Variants in ATP8B1 observed in about 807,000 individuals in gnomAD.
The protein encoded by ATP8B1 is phospholipid-transporting ATPase IC.
ATP8B1 carries 80 observed loss-of-function variants against 149.9 expected under a neutral mutation model. The ratio of observed to expected loss-of-function variants is 0.53; its 90% CI spans 0.45 to 0.64. The LOEUF (loss-of-function observed/expected upper bound fraction) is 0.64. Among genes scored for constraint, ATP8B1 ranks in the 30% least tolerant of loss-of-function variants. The probability of loss-of-function intolerance (pLI) is 0.00; values close to 1 mark genes in which losing one functional copy is unlikely to be tolerated. For synonymous variants in ATP8B1, 536 were observed against 562.8 expected, an observed-to-expected ratio of 0.95 and a Z score of 0.67; for missense variants, 1,247 against 1,552.6, an observed-to-expected ratio of 0.80 and a Z score of 3.31.
chr18:57,722,282 C>A (rs1168303900), intron 2 of ATP8B1, among the ~76,000 whole-genome samples: 11 of 144,334 alleles, frequency 7.6e-5, no homozygotes, highest in Admixed American at 2.9e-4. Flanking sequence ...ACACAAAAAA[C>A]CCTTCAAAAA....
At chr18:57,764,387 CTCTT>C (rs2080188761) in intron 1 of ATP8B1, among the ~76,000 whole-genome samples, 1 of 141,324 alleles carries the variant, frequency 7.1e-6, no homozygotes, top group Non-Finnish European at 1.5e-5. Context: ...CTCTTTTTCT[CTCTT>C]TCTCTCTTTC....
At chr18:57,732,827 T>G (rs2079801583) in intron 1 of ATP8B1, among the ~76,000 whole-genome samples, 1 of 77,654 alleles carries the variant, frequency 1.3e-5, no homozygotes, top group East Asian at 4.2e-4. Flanking sequence ...CTTCCCAAAG[T>G]GCTGGGATTA....
intron 1 of ATP8B1, chr18:57,801,955 C>G (rs2080579922): frequency 6.6e-6 from 1 of 152,306 alleles, no homozygotes; most frequent in Admixed American, 6.5e-5. Context: ...GGCCCAAGTC[C>G]TCCTTACTTC....
rs1317056554 is a variant in ATP8B1, at chr18:57,784,401, G to A, written c.-26+18597C>T. On this transcript the variant is annotated intron_variant, in intron 1 of 27. Transcript: ENST00000648908. This position sits in a 1 kb window ranked among gnomAD's most constrained non-coding sequence, Gnocchi z 4.4. The stretch of plus-strand genomic sequence containing the variant: ...AGAAGGCTACTGGAATGGTCCAGGA[G>A]AGGGAGGATGACAGCTTGAACCTCG... Among the ~76,000 whole-genome samples the A allele has an allele frequency of 4.6e-5, 7 of 152,186 alleles. No individual in the cohort carries two copies. The highest frequency in any genetic ancestry group is 7.3e-5 in the Non-Finnish European group (5 of 68,034).
intron 11 of ATP8B1, among the ~76,000 whole-genome samples, 175 bp downstream of exon 11, chr18:57,694,407 G>A (rs1912695838): frequency 6.6e-6 from 1 of 151,930 alleles, no homozygotes; most frequent in Non-Finnish European, 1.5e-5. Flanking sequence ...CTGAGAAAAA[G>A]TAAGGCATTT....
At chr18:57,662,428 C>G in intron 21 of ATP8B1, 55 bp downstream of exon 21, 1 of 1,605,282 alleles carries the variant, frequency 6.2e-7, no homozygotes, top group South Asian at 1.1e-5. Context: ...AAAAGTGGCT[C>G]CAAATGAACT....
At chr18:57,652,943 A>T (rs908107760) in intron 24 of ATP8B1, among the ~76,000 whole-genome samples, 3 of 152,178 alleles carry the variant, frequency 2.0e-5, no homozygotes, top group Non-Finnish European at 4.4e-5. Flanking sequence ...TAATTCAGAG[A>T]AGGGCTAGGT....
chr18:57,667,228 G>GT, intron 19 of ATP8B1, 61 bp from the exon 20 acceptor site: 3 of 1,390,498 alleles, frequency 2.2e-6, no homozygotes, highest in South Asian at 1.2e-5. Flanking sequence ...ATTTTATTTT[G>GT]TTTTTTGAGA....
In ATP8B1 at chr18:57,681,727, G is replaced by A. The variant is rs571532279; in HGVS notation, c.1630+2309C>T. On this transcript the variant is annotated intron_variant, in intron 15 of 27. Coordinates refer to ENST00000648908, the MANE Select transcript of ATP8B1 (RefSeq NM_001374385.1). ...GAGGCACGAGAATTGCTTGAACCTGGGAGGTGGAGGTTGCAGTGAGCCGAG... is the reference window on the plus strand; with the variant it reads ...GAGGCACGAGAATTGCTTGAACCTGAGAGGTGGAGGTTGCAGTGAGCCGAG... Among the ~76,000 whole-genome samples the A allele has an allele frequency of 2.6e-5, 4 of 152,116 alleles. No individual in the cohort carries two copies. In the East Asian group the frequency reaches 7.8e-4, roughly 30 times the overall value.
intron 2 of ATP8B1, among the ~76,000 whole-genome samples, chr18:57,730,114 T>A (rs1299475048): frequency 6.6e-6 from 1 of 152,112 alleles, no homozygotes; most frequent in Non-Finnish European, 1.5e-5. Context: ...GCAGATTCTG[T>A]GACCAGAACA....
At chr18:57,654,955 G>T (rs1568180204) in intron 23 of ATP8B1, among the ~76,000 whole-genome samples, 2 of 151,410 alleles carry the variant, frequency 1.3e-5, no homozygotes, top group African/African-American at 2.4e-5. Flanking sequence ...CCAAAGTGCT[G>T]GGATTACAGG....
chr18:57,758,648 CAAA>C (rs66725093), intron 1 of ATP8B1, among the ~76,000 whole-genome samples: 4,609 of 105,306 alleles, frequency 0.044, 202 homozygotes, highest in African/African-American at 0.13. Context: ...AACTCTGTCT[CAAA>C]AAAAAAAAAA....
rs138914831 is a variant in ATP8B1 at position 57,741,933 on chromosome 18, G to A, written c.-25-10101C>T. On this transcript the variant is annotated intron_variant, in intron 1 of 27. Coordinates refer to ENST00000648908, the MANE Select transcript of ATP8B1 (RefSeq NM_001374385.1). The stretch of plus-strand genomic sequence containing the variant: ...CACCCAGGCTGGAGTCCAGTGGTGT[G>A]ATCTCAGCTCACTGCAACCTCTGCC... 7.1e-3 allele frequency among the ~76,000 whole-genome samples: 1,085 copies of A among 152,236 alleles called. 10 individuals carry two copies. Among genetic ancestry groups the A allele is most frequent in the African/African-American group, 0.024 (1,012 of 41,528 alleles).
rs1368235673 is a variant in ATP8B1, at chr18:57,688,324, C to G, written c.1404G>C (p.Lys468Asn). 1 of 1,614,154 alleles carries G rather than the reference C, an allele frequency of 6.2e-7. No individual in the cohort carries two copies. The highest frequency in any genetic ancestry group is 1.7e-5 in the Admixed American group (1 of 60,026). Reference protein sequence around the residue: ...TLTQNIMTFKKCCINGQIYGD... With the variant: ...TLTQNIMTFKNCCINGQIYGD... ...CATATATCTGCCCGTTGATACAGCACTTTTTAAAGGTCATGATATTTTGTG... is the reference window on the plus strand; with the variant it reads ...CATATATCTGCCCGTTGATACAGCAGTTTTTAAAGGTCATGATATTTTGTG... The change falls in exon 13 of 28, where the codon AAG becomes AAC. Residue 468 changes from lysine (K) to asparagine (N), a missense_variant. Coordinates refer to ENST00000648908, the MANE Select transcript of ATP8B1 (RefSeq NM_001374385.1).
chr18:57,649,601 C>G (rs541959457), intron 27 of ATP8B1, among the ~76,000 whole-genome samples: 5 of 152,084 alleles, frequency 3.3e-5, no homozygotes, highest in African/African-American at 4.8e-5. Flanking sequence ...ATTGCCCCCC[C>G]CAACCCCTCA....
Position 57,701,316 on chromosome 18 carries a change from A to G in ATP8B1, c.394-3T>C, listed in dbSNP as rs768915210. 6.2e-5 allele frequency: 100 copies of G among 1,610,726 alleles called. No individual in the cohort carries two copies. Among genetic ancestry groups the G allele is most frequent in the Non-Finnish European group, 7.4e-5 (87 of 1,176,972 alleles). ...AGGGTAGAGATTTGAGGAACTGCCTAAAAGAATAAAAGGGCTTATGTGTGT... is the reference window on the plus strand; with the variant it reads ...AGGGTAGAGATTTGAGGAACTGCCTGAAAGAATAAAAGGGCTTATGTGTGT... On this transcript the variant is annotated splice_region_variant and splice_polypyrimidine_tract_variant and intron_variant, in intron 4 of 27. Coordinates refer to ENST00000648908, the MANE Select transcript of ATP8B1 (RefSeq NM_001374385.1).
intron 21 of ATP8B1, among the ~76,000 whole-genome samples, chr18:57,661,724 T>A (rs1405707803): frequency 1.2e-3 from 164 of 140,302 alleles, no homozygotes; most frequent in African/African-American, 3.6e-3. Context: ...TTTTTTTTTT[T>A]TTTTTTTTTG....
At chr18:57,796,642 A>G (rs1388366988) in intron 1 of ATP8B1, among the ~76,000 whole-genome samples, 1 of 152,204 alleles carries the variant, frequency 6.6e-6, no homozygotes. Flanking sequence ...GTGAGTAAAT[A>G]TTTAAACCAC....
At chr18:57,730,650 A>G (rs1222126939) in intron 2 of ATP8B1, among the ~76,000 whole-genome samples, 2 of 152,174 alleles carry the variant, frequency 1.3e-5, no homozygotes, top group Non-Finnish European at 2.9e-5. Context: ...TCAGTGATGT[A>G]CTGTCTGCGG....
Sources: gnomAD v4.1 joint callset for allele counts (sites outside exome capture counted in the v4.1 genomes callset) on GRCh38, gnomAD v4.1.1 for gene constraint, Gnocchi (gnomAD v3.1) non-coding constraint, MANE v1.5 for transcripts, NCBI Gene and HGNC (gene_info 2026-07-23, HGNC 2026-07-21) for gene names.